The following CPQ variants were observed in gnomAD, a reference collection of about 807,000 sequenced individuals.
CPQ encodes Ser-Met dipeptidase.
Under a neutral mutation model 45.7 loss-of-function variants are expected in CPQ, and 37 were observed. That is an observed-to-expected ratio of 0.81 (90% confidence interval 0.62 to 1.07). The LOEUF is 1.07. Ranked by LOEUF, CPQ falls within the 50% of genes least tolerant of loss-of-function variation. The pLI, the probability that CPQ is intolerant of heterozygous loss-of-function variation, is 0.00. For missense variants in CPQ, 537 were observed against 572.9 expected, an observed-to-expected ratio of 0.94 and a Z score of 0.64; for synonymous variants, 186 against 205.8, an observed-to-expected ratio of 0.90 and a Z score of 0.82.
At chr8:96,914,903 A>T (rs546805695) in intron 4 of CPQ, among the ~76,000 whole-genome samples, 2 of 152,288 alleles carry the variant, frequency 1.3e-5, no homozygotes, top group African/African-American at 4.8e-5. Context: ...TCTGCCAATT[A>T]TGGTCCATTG....
chr8:97,000,321 C>G (rs1228108702), intron 5 of CPQ, among the ~76,000 whole-genome samples: 1 of 151,818 alleles, frequency 6.6e-6, no homozygotes, highest in African/African-American at 2.4e-5. Context: ...GCCCTTGCCT[C>G]TTTCCAGAAT....
At chr8:97,038,007 C>T (rs1810032763) in intron 6 of CPQ, among the ~76,000 whole-genome samples, 1 of 152,130 alleles carries the variant, frequency 6.6e-6, no homozygotes, top group African/African-American at 2.4e-5. Flanking sequence ...ACTATGACAA[C>T]TAGAATGGAA....
chr8:96,907,333 A>C (rs71514934), intron 4 of CPQ, among the ~76,000 whole-genome samples: 1 of 152,156 alleles, frequency 6.6e-6, no homozygotes, highest in Non-Finnish European at 1.5e-5. Context: ...TGTCACCTGG[A>C]AAAGGGACAG....
intron 7 of CPQ, among the ~76,000 whole-genome samples, chr8:97,075,677 AT>A (rs1292538800): frequency 6.6e-6 from 1 of 152,110 alleles, no homozygotes; most frequent in Non-Finnish European, 1.5e-5. Context: ...GCCATGTGAG[AT>A]TTTTCTCTCT....
intron 5 of CPQ, among the ~76,000 whole-genome samples, chr8:97,007,522 G>A (rs1196102606): frequency 1.3e-5 from 2 of 152,134 alleles, no homozygotes; most frequent in African/African-American, 4.8e-5. Context: ...CACCAAAATG[G>A]GAGTAATCAC....
intron 6 of CPQ, among the ~76,000 whole-genome samples, chr8:97,048,155 T>G (rs983458690): frequency 3.9e-5 from 6 of 152,204 alleles, no homozygotes; most frequent in Non-Finnish European, 8.8e-5. Context: ...TTTAACACTA[T>G]CAGACAATGA....
intron 4 of CPQ, among the ~76,000 whole-genome samples, chr8:96,925,609 C>A (rs528032783): frequency 6.6e-6 from 1 of 152,242 alleles, no homozygotes; most frequent in East Asian, 1.9e-4. Flanking sequence ...TCTCGACCTC[C>A]TGACCTCAAG....
At chr8:97,109,877 T>C (rs1448540709) in intron 7 of CPQ, among the ~76,000 whole-genome samples, 1 of 152,124 alleles carries the variant, frequency 6.6e-6, no homozygotes, top group Admixed American at 6.6e-5. Flanking sequence ...TCTTCCTCCT[T>C]CTTTGCCTTC....
At chr8:97,080,698 G>T (rs13439555) in intron 7 of CPQ, among the ~76,000 whole-genome samples, 12,329 of 152,102 alleles carry the variant, frequency 0.081, 967 homozygotes, top group African/African-American at 0.21. Flanking sequence ...TTTTTTATAA[G>T]AATGTATGAG....
chr8:96,791,333 T>C (rs1810842619), intron 2 of CPQ, among the ~76,000 whole-genome samples: 1 of 152,206 alleles, frequency 6.6e-6, no homozygotes, highest in Non-Finnish European at 1.5e-5. Context: ...TCAAAAGCCG[T>C]TGATACCTGT....
In CPQ at chr8:97,122,034, G is replaced by A. The variant is rs1255949484; in HGVS notation, c.1256-20986G>A. Among the ~76,000 whole-genome samples, 3 of 151,972 alleles carry A rather than the reference G, an allele frequency of 2.0e-5. No homozygotes were observed. In the South Asian group the frequency reaches 6.2e-4, roughly 32 times the overall value. On this transcript the variant is annotated intron_variant, in intron 7 of 7. Coordinates refer to ENST00000220763, the MANE Select transcript of CPQ (RefSeq NM_016134.4). The stretch of plus-strand genomic sequence containing the variant: ...TCTCATTTTTAAATAAAAATAAACA[G>A]AGTCTCCATGACCTGTGGGACAACA...
At chr8:96,949,601 T>C (rs1482126738) in intron 4 of CPQ, among the ~76,000 whole-genome samples, 2 of 152,146 alleles carry the variant, frequency 1.3e-5, no homozygotes, top group African/African-American at 4.8e-5. Flanking sequence ...TTGTCAACTT[T>C]TCCCTCACAG....
rs71569182 is a variant in CPQ, at chr8:96,768,288, C to CTTT, written c.-34-16564_-34-16562dup. Among the ~76,000 whole-genome samples, 87 of 143,456 alleles carry CTTT rather than the reference C, an allele frequency of 6.1e-4. 1 individual carries two copies. Among genetic ancestry groups the CTTT allele is most frequent in the African/African-American group, 2.0e-3 (80 of 39,306 alleles). The allele number at this position is 143,456 out of a possible 152,430, so 94.1% of individuals were successfully genotyped here. A position where few individuals can be genotyped will look rare whatever the true frequency, so the allele number is the denominator to read the frequency against. ...TATGGCAAATCTATTTGGCTTAACA[C>CTTT]TTTTTTTTTTTTTTGCAACCTTTGA... is the stretch of plus-strand genomic sequence containing the variant. On this transcript the variant is annotated intron_variant, in intron 1 of 7. Coordinates refer to ENST00000220763, the MANE Select transcript of CPQ (RefSeq NM_016134.4).
chr8:96,706,111 A>G (rs528801169), intron 1 of CPQ, among the ~76,000 whole-genome samples: 1 of 152,252 alleles, frequency 6.6e-6, no homozygotes, highest in East Asian at 1.9e-4. Flanking sequence ...AGGCTTGCTG[A>G]CAGCCTGTCT....
intron 4 of CPQ, among the ~76,000 whole-genome samples, chr8:96,916,391 A>G (rs1812733323): frequency 6.6e-6 from 1 of 152,134 alleles, no homozygotes; most frequent in South Asian, 2.1e-4. Flanking sequence ...ATACAACTTT[A>G]TTTCTTCCCA....
At chr8:96,701,699 A>G (rs1403701328) in intron 1 of CPQ, among the ~76,000 whole-genome samples, 2 of 152,176 alleles carry the variant, frequency 1.3e-5, no homozygotes, top group African/African-American at 4.8e-5. Flanking sequence ...TCTGAATAAC[A>G]TACTCTTGGC....
At chr8:97,003,349 T>A (rs1809318766) in intron 5 of CPQ, among the ~76,000 whole-genome samples, 1 of 152,212 alleles carries the variant, frequency 6.6e-6, no homozygotes, top group African/African-American at 2.4e-5. Context: ...CTTTATAGTG[T>A]CACTGGTCTG....
At chr8:96,973,512 C>G (rs1194413433) in intron 5 of CPQ, among the ~76,000 whole-genome samples, 2 of 152,030 alleles carry the variant, frequency 1.3e-5, no homozygotes, top group East Asian at 3.9e-4. Flanking sequence ...ACAAGAAACT[C>G]AAAGAACTCC....
At chr8:96,959,471 C>T (rs1167711182) in intron 4 of CPQ, among the ~76,000 whole-genome samples, 2 of 151,958 alleles carry the variant, frequency 1.3e-5, no homozygotes, top group African/African-American at 4.8e-5. Context: ...ATAACCTTTC[C>T]CCTGTTAGTC....
Sources: allele counts gnomAD v4.1 joint callset (sites outside exome capture counted in the v4.1 genomes callset), GRCh38; gene constraint gnomAD v4.1.1; transcripts MANE v1.5; gene names NCBI Gene and HGNC (gene_info 2026-07-23, HGNC 2026-07-21).